SPOCK1: variants seen among roughly 807,000 people sequenced by gnomAD.
The protein encoded by SPOCK1 is testican-1.
Under a neutral mutation model 55.3 loss-of-function variants are expected in SPOCK1, and 23 were observed. The observed-to-expected ratio is 0.42, with a 90% CI of 0.30 to 0.59. The LOEUF (loss-of-function observed/expected upper bound fraction) is 0.59. Ranked by LOEUF, SPOCK1 falls within the 20% of genes least tolerant of loss-of-function variation. The pLI is 0.22. For missense variants in SPOCK1, 499 were observed against 552.5 expected, an observed-to-expected ratio of 0.90 and a Z score of 0.97; for synonymous variants, 226 against 221.0, an observed-to-expected ratio of 1.02 and a Z score of -0.20.
At chr5:137,470,802 G>A (rs553553960) in intron 2 of SPOCK1, among the ~76,000 whole-genome samples, 2 of 152,242 alleles carry the variant, frequency 1.3e-5, no homozygotes, top group East Asian at 3.9e-4. Context: ...TACTAAAAGG[G>A]AGAATCTGTC....
intron 3 of SPOCK1, among the ~76,000 whole-genome samples, chr5:137,166,849 A>G (rs1248554973): frequency 6.6e-6 from 1 of 152,080 alleles, no homozygotes; most frequent in Non-Finnish European, 1.5e-5. Flanking sequence ...AAATTATATC[A>G]CCAGAGAAAA....
chr5:137,317,751 C>T (rs577684954), intron 2 of SPOCK1, among the ~76,000 whole-genome samples: 1 of 152,288 alleles, frequency 6.6e-6, no homozygotes, highest in South Asian at 2.1e-4. Context: ...GAATGTGAAG[C>T]ATTCATGACA....
intron 2 of SPOCK1, among the ~76,000 whole-genome samples, chr5:137,488,410 A>T (rs1754105449): frequency 6.6e-6 from 1 of 152,264 alleles, no homozygotes; most frequent in Admixed American, 6.5e-5. Context: ...CTGCTCATTT[A>T]AAATGCAGGT....
chr5:137,472,484 G>A (rs1753756317), intron 2 of SPOCK1, among the ~76,000 whole-genome samples: 1 of 152,178 alleles, frequency 6.6e-6, no homozygotes. Flanking sequence ...GGAGAAAATA[G>A]GCACTCACGT....
intron 3 of SPOCK1, among the ~76,000 whole-genome samples, chr5:137,206,816 T>A (rs1755527958): frequency 6.6e-6 from 1 of 152,244 alleles, no homozygotes; most frequent in Non-Finnish European, 1.5e-5. Flanking sequence ...CTGTTTGATT[T>A]AATCCTCAAA....
At chr5:137,330,009 T>TA (rs1758141140) in intron 2 of SPOCK1, among the ~76,000 whole-genome samples, 4 of 152,142 alleles carry the variant, frequency 2.6e-5, no homozygotes, top group African/African-American at 9.7e-5. Flanking sequence ...CAGCCATTAT[T>TA]ATATGTCCCA....
chr5:137,281,590 A>C (rs934966145), intron 2 of SPOCK1, among the ~76,000 whole-genome samples: 8 of 152,274 alleles, frequency 5.3e-5, no homozygotes, highest in African/African-American at 1.9e-4. Context: ...GGCCCATGCC[A>C]GAAATATGCA....
intron 3 of SPOCK1, among the ~76,000 whole-genome samples, chr5:137,180,577 G>C (rs1580793729): frequency 6.6e-6 from 1 of 152,284 alleles, no homozygotes; most frequent in Middle Eastern, 3.4e-3. Context: ...ACTCAGGACT[G>C]ACAATGACCT....
chr5:136,983,985 C>CTGCA (rs928374616), intron 9 of SPOCK1, among the ~76,000 whole-genome samples: 1 of 152,192 alleles, frequency 6.6e-6, no homozygotes, highest in Non-Finnish European at 1.5e-5. Context: ...CTACAACTAC[C>CTGCA]TGCAGATCAT....
intron 3 of SPOCK1, among the ~76,000 whole-genome samples, chr5:137,215,186 T>C (rs1310626847): frequency 1.3e-5 from 2 of 152,202 alleles, no homozygotes; most frequent in Non-Finnish European, 2.9e-5. Context: ...CTAAGACATA[T>C]GAGAAGGATG....
At chr5:137,487,820 C>CA (rs1754092786) in intron 2 of SPOCK1, among the ~76,000 whole-genome samples, 1 of 152,172 alleles carries the variant, frequency 6.6e-6, no homozygotes, top group South Asian at 2.1e-4. Flanking sequence ...AGGAAAACCT[C>CA]ATGACAATAG....
chr5:137,461,628 T>C (rs1753491155), intron 2 of SPOCK1, among the ~76,000 whole-genome samples: 1 of 152,192 alleles, frequency 6.6e-6, no homozygotes, highest in African/African-American at 2.4e-5. Context: ...CACAGTGTGC[T>C]CCAGGGCCTG....
intron 2 of SPOCK1, among the ~76,000 whole-genome samples, chr5:137,491,662 A>G (rs1347761867): frequency 1.3e-5 from 2 of 152,200 alleles, no homozygotes; most frequent in African/African-American, 4.8e-5. Flanking sequence ...GTTTTTCGAT[A>G]TGTGTGACCC....
At chr5:137,303,060 T>A (rs370431694) in intron 2 of SPOCK1, among the ~76,000 whole-genome samples, 2 of 152,128 alleles carry the variant, frequency 1.3e-5, no homozygotes, top group Non-Finnish European at 2.9e-5. Context: ...ACACAGCTAG[T>A]GAGGAGTGCA....
At chr5:137,140,239 G>C (rs899878737) in intron 4 of SPOCK1, among the ~76,000 whole-genome samples, 1 of 152,206 alleles carries the variant, frequency 6.6e-6, no homozygotes, top group African/African-American at 2.4e-5. Context: ...CTTGGCCCCT[G>C]CTTTCTTAGT....
At chr5:137,260,639 C>G (rs1227435185) in intron 3 of SPOCK1, among the ~76,000 whole-genome samples, 1 of 152,158 alleles carries the variant, frequency 6.6e-6, no homozygotes, top group Non-Finnish European at 1.5e-5. Context: ...AATAAGCAAA[C>G]AGGCAAAGGC....
At chr5:137,469,978 C>T (rs1329262485) in intron 2 of SPOCK1, among the ~76,000 whole-genome samples, 1 of 152,184 alleles carries the variant, frequency 6.6e-6, no homozygotes, top group East Asian at 1.9e-4. Flanking sequence ...CTGTGAAAAG[C>T]TTTCAGGACC....
At chr5:137,452,419 C>A (rs571495355) in intron 2 of SPOCK1, among the ~76,000 whole-genome samples, 2 of 152,264 alleles carry the variant, frequency 1.3e-5, no homozygotes, top group African/African-American at 2.4e-5. Context: ...TACTGAATCC[C>A]AAATTATTTA....
intron 5 of SPOCK1, among the ~76,000 whole-genome samples, chr5:137,110,621 G>C (rs1392548116): frequency 6.6e-6 from 1 of 152,302 alleles, no homozygotes; most frequent in South Asian, 2.1e-4. Flanking sequence ...AAAGAGTAAG[G>C]GGATGGGGAA....
Sources: allele counts gnomAD v4.1 joint callset (sites outside exome capture counted in the v4.1 genomes callset), GRCh38; gene constraint gnomAD v4.1.1; transcripts MANE v1.5; gene names NCBI Gene and HGNC (gene_info 2026-07-23, HGNC 2026-07-21).